The following ABCC8 variants were observed in gnomAD, a reference collection of about 807,000 sequenced individuals.
The protein encoded by ABCC8 is ATP-binding cassette sub-family C member 8.
ABCC8 carries 137 observed loss-of-function variants against 188.0 expected under a neutral mutation model. The ratio of observed to expected loss-of-function variants is 0.73; its 90% confidence interval spans 0.63 to 0.84. The LOEUF is 0.84. Among genes scored for constraint, ABCC8 ranks in the 40% least tolerant of loss-of-function variants. The pLI is 0.00. For synonymous variants in ABCC8, 797 were observed against 846.5 expected, an observed-to-expected ratio of 0.94 and a Z score of 1.01; for missense variants, 1,750 against 2,072.7, an observed-to-expected ratio of 0.84 and a Z score of 3.02.
At chr11:17,443,349 G>C (rs1010686404) in intron 8 of ABCC8, 37 bp from the exon 9 acceptor site, 1 of 1,613,528 alleles carries the variant, frequency 6.2e-7, no homozygotes, top group African/African-American at 1.3e-5. Context: ...CCTTTGACCT[G>C]ATGGTTGCCC....
chr11:17,442,943 G>A (rs928776478), intron 9 of ABCC8, 61 bp from the exon 10 acceptor site: 3 of 1,604,324 alleles, frequency 1.9e-6, no homozygotes, highest in South Asian at 1.1e-5. Flanking sequence ...CCGAGAGGAA[G>A]GCCTGAGTGT....
chr11:17,408,350 G>C, intron 23 of ABCC8, 42 bp downstream of exon 23: 2 of 1,573,632 alleles, frequency 1.3e-6, no homozygotes, highest in Non-Finnish European at 8.7e-7. Flanking sequence ...CAGAACCTTT[G>C]CATCCAGGGG....
intron 8 of ABCC8, 152 bp downstream of exon 8, chr11:17,448,364 C>A: frequency 1.4e-6 from 1 of 720,272 alleles, no homozygotes; most frequent in South Asian, 1.6e-5. Context: ...AGGAGGGACC[C>A]AGAGGTACAG....
chr11:17,428,008 T>C, intron 14 of ABCC8, 66 bp from the exon 15 acceptor site: 1 of 1,592,550 alleles, frequency 6.3e-7, no homozygotes, highest in Non-Finnish European at 8.6e-7. Context: ...GTGAATAGTC[T>C]CTGGCTTCCC....
At chr11:17,395,315 G>C (rs1274269956) in intron 35 of ABCC8, 40 bp from the exon 36 acceptor site, 1 of 1,553,776 alleles carries the variant, frequency 6.4e-7, no homozygotes, top group African/African-American at 1.4e-5. Context: ...GAGGGAGCAG[G>C]GTCCTGCCTG....
chr11:17,462,002 T>C (rs754896271), intron 4 of ABCC8, 177 bp from the exon 5 acceptor site: 2 of 707,350 alleles, frequency 2.8e-6, no homozygotes, highest in Non-Finnish European at 3.5e-6. Flanking sequence ...TGGCCACCAA[T>C]GTCAGGGCAT....
In ABCC8 at chr11:17,427,945, T is replaced by C. The variant is rs898019395; in HGVS notation, c.2041-3A>G. On this transcript the variant is annotated splice_region_variant and splice_polypyrimidine_tract_variant and intron_variant, in intron 14 of 38. Transcript: ENST00000389817. This position sits in a 1 kb window ranked among gnomAD's most constrained non-coding sequence, Gnocchi z 5.0. Reference sequence around the variant, plus strand: ...CACGTGAAGTAGCCTCCCATGATCTTCATTAGGCGTGTCCCACCGCCCAGG... The same window carrying C: ...CACGTGAAGTAGCCTCCCATGATCTCCATTAGGCGTGTCCCACCGCCCAGG... The C allele has an allele frequency of 4.3e-6, 7 of 1,613,400 alleles. No individual in the cohort carries two copies. The highest frequency in any genetic ancestry group is 5.9e-6 in the Non-Finnish European group (7 of 1,179,754).
intron 8 of ABCC8, chr11:17,448,099 G>T: frequency 5.4e-6 from 1 of 186,554 alleles, no homozygotes; most frequent in Non-Finnish European, 1.1e-5. Flanking sequence ...TTCCATGTAC[G>T]ATTTTTCTTT....
intron 2 of ABCC8, among the ~76,000 whole-genome samples, chr11:17,473,796 C>G (rs1848608831): frequency 6.6e-6 from 1 of 152,224 alleles, no homozygotes; most frequent in Non-Finnish European, 1.5e-5. Context: ...CTGCGCTGAA[C>G]ACCTCAGGTT....
chr11:17,476,529 C>G (rs1848785548), intron 1 of ABCC8, 100 bp downstream of exon 1: 1 of 1,451,364 alleles, frequency 6.9e-7, no homozygotes, highest in East Asian at 2.6e-5. Flanking sequence ...GGACGGCGGT[C>G]GCGGGCCGGA....
chr11:17,431,016 A>T (rs1955824319), intron 11 of ABCC8, 57 bp from the exon 12 acceptor site: 1 of 1,598,730 alleles, frequency 6.3e-7, no homozygotes, highest in Admixed American at 1.8e-5. Flanking sequence ...TCCCTCCCAC[A>T]CTGGAAACGC....
At chr11:17,448,456 C>A in intron 8 of ABCC8, 60 bp downstream of exon 8, 1 of 1,484,744 alleles carries the variant, frequency 6.7e-7, no homozygotes. Flanking sequence ...GGCCATGGAC[C>A]AGCAGATTCT....
At chr11:17,417,842 T>C (rs1955157093) in intron 16 of ABCC8, among the ~76,000 whole-genome samples, 1 of 152,042 alleles carries the variant, frequency 6.6e-6, no homozygotes, top group South Asian at 2.1e-4. Flanking sequence ...CTCCACCTCC[T>C]GGGCTCAAGC....
chr11:17,440,864 G>A (rs779680832), intron 10 of ABCC8, among the ~76,000 whole-genome samples: 9 of 152,216 alleles, frequency 5.9e-5, no homozygotes, highest in Admixed American at 1.3e-4. Context: ...TGGTGCCCAT[G>A]TTTCCAAACT....
At chr11:17,463,298 C>G in intron 4 of ABCC8, 140 bp downstream of exon 4, 1 of 732,146 alleles carries the variant, frequency 1.4e-6, no homozygotes. Flanking sequence ...CACGGCCCCA[C>G]TCCCCTTTAC....
chr11:17,414,758 G>GCCTT, intron 18 of ABCC8, 148 bp from the exon 19 acceptor site: 1 of 1,446,636 alleles, frequency 6.9e-7, no homozygotes, highest in Non-Finnish European at 9.2e-7. Context: ...GCCTCTGGTG[G>GCCTT]CCTTGCCTTC....
chr11:17,443,451 G>A, intron 8 of ABCC8, 139 bp from the exon 9 acceptor site: 1 of 1,418,008 alleles, frequency 7.1e-7, no homozygotes. Context: ...CTTGGGGAGT[G>A]GAGTGCAGGG....
chr11:17,396,568 C>T (rs899481174), intron 33 of ABCC8: 3 of 355,504 alleles, frequency 8.4e-6, no homozygotes, highest in Non-Finnish European at 1.6e-5. Flanking sequence ...GCTGTCTGCC[C>T]CCAGGTCCCT....
intron 16 of ABCC8, among the ~76,000 whole-genome samples, chr11:17,420,953 A>G (rs1955312897): frequency 1.3e-5 from 2 of 152,198 alleles, no homozygotes; most frequent in African/African-American, 4.8e-5. Context: ...GGGGCAAGTG[A>G]TTCTTCCTAA....
Sources: gnomAD v4.1 joint callset for allele counts (sites outside exome capture counted in the v4.1 genomes callset) on GRCh38, gnomAD v4.1.1 for gene constraint, Gnocchi (gnomAD v3.1) non-coding constraint, MANE v1.5 for transcripts, NCBI Gene and HGNC (gene_info 2026-07-23, HGNC 2026-07-21) for gene names.